Variants in SPIDR observed in about 807,000 individuals in gnomAD.
SPIDR encodes scaffold protein involved in DNA repair, also known as DNA repair-scaffolding protein.
In SPIDR, 93 loss-of-function variants were observed where a neutral mutation model predicts 104.6. That is an observed-to-expected ratio of 0.89 (90% CI 0.75 to 1.06). SPIDR has a LOEUF of 1.06. Ranked by LOEUF, SPIDR falls within the 50% of genes least tolerant of loss-of-function variation. SPIDR has a pLI of 0.00. For missense variants in SPIDR, 1,154 were observed against 1,111.2 expected (o/e 1.04, Z -0.55); for synonymous variants, 431 against 416.9 (o/e 1.03, Z -0.41).
At chr8:47,554,494 C>G (rs1247134560) in intron 8 of SPIDR, among the ~76,000 whole-genome samples, 1 of 152,248 alleles carries the variant, frequency 6.6e-6, no homozygotes, top group African/African-American at 2.4e-5. Context: ...GCAGTTCGAT[C>G]TCAGACTGCT....
At chr8:47,633,558 GAAAAAAA>G (rs113678854) in intron 10 of SPIDR, among the ~76,000 whole-genome samples, 1 of 134,322 alleles carries the variant, frequency 7.4e-6, no homozygotes, top group African/African-American at 2.8e-5. Flanking sequence ...GCAAATGATT[GAAAAAAA>G]AAAAAAAACA....
chr8:47,470,280 CGTTTTTGTTTTT>C (rs1355625480), intron 8 of SPIDR, among the ~76,000 whole-genome samples: 5 of 152,004 alleles, frequency 3.3e-5, no homozygotes, highest in African/African-American at 9.6e-5. Flanking sequence ...TTTTGTTTTT[CGTTTTTGTTTTT>C]GTTTTTTGTT....
At chr8:47,472,432 G>C (rs75791118) in intron 8 of SPIDR, among the ~76,000 whole-genome samples, 7,422 of 152,298 alleles carry the variant, frequency 0.049, 194 homozygotes, top group Middle Eastern at 0.068. Flanking sequence ...TTCCAGGAGA[G>C]TGTTCTGGGT....
intron 5 of SPIDR, among the ~76,000 whole-genome samples, chr8:47,394,550 G>A (rs2061023852): frequency 6.6e-6 from 1 of 152,222 alleles, no homozygotes; most frequent in Non-Finnish European, 1.5e-5. Context: ...TCATCTAGCG[G>A]GGAGAGGCGA....
chr8:47,407,795 A>T, intron 6 of SPIDR, 66 bp from the exon 7 acceptor site: 1 of 963,738 alleles, frequency 1.0e-6, no homozygotes, highest in African/African-American at 1.7e-5. Context: ...TATACAATAT[A>T]AATGTTCCAG....
chr8:47,415,630 A>G (rs149989409), intron 7 of SPIDR, among the ~76,000 whole-genome samples: 30 of 152,284 alleles, frequency 2.0e-4, no homozygotes, highest in African/African-American at 7.2e-4. Flanking sequence ...CCACTGTGTG[A>G]GGAGGATACA....
intron 9 of SPIDR, among the ~76,000 whole-genome samples, chr8:47,597,715 G>A (rs1284604615): frequency 6.6e-6 from 1 of 152,162 alleles, no homozygotes; most frequent in Non-Finnish European, 1.5e-5. Context: ...GCATAAGCTT[G>A]AGTTTATATG....
intron 10 of SPIDR, among the ~76,000 whole-genome samples, chr8:47,614,391 T>G (rs1414659610): frequency 6.6e-6 from 1 of 152,152 alleles, no homozygotes; most frequent in Non-Finnish European, 1.5e-5. Flanking sequence ...CTGGCTAATT[T>G]TTTTTGTATG....
intron 10 of SPIDR, among the ~76,000 whole-genome samples, chr8:47,661,627 G>A (rs1304806653): frequency 7.2e-5 from 11 of 152,240 alleles, no homozygotes; most frequent in East Asian, 1.9e-4. Flanking sequence ...ACTAAGGATC[G>A]TGCTGGTGTC....
intron 3 of SPIDR, 125 bp from the exon 4 acceptor site, chr8:47,290,908 A>G: frequency 3.4e-6 from 2 of 583,036 alleles, no homozygotes; most frequent in Admixed American, 3.2e-5. Context: ...TGACATAGAC[A>G]TTGCTTTTCC....
chr8:47,348,655 T>G (rs2052723323), intron 5 of SPIDR, among the ~76,000 whole-genome samples: 1 of 152,210 alleles, frequency 6.6e-6, no homozygotes, highest in Middle Eastern at 3.2e-3. Context: ...TGTTCGTTTC[T>G]TTTTACTCTT....
chr8:47,700,709 C>T (rs117844821), intron 12 of SPIDR, among the ~76,000 whole-genome samples: 5,037 of 152,324 alleles, frequency 0.033, 129 homozygotes, highest in Middle Eastern at 0.065. Flanking sequence ...CCCTACTGTG[C>T]TGCACAGCAT....
chr8:47,734,491 T>C (rs1369950976), intron 19 of SPIDR, among the ~76,000 whole-genome samples: 1 of 152,136 alleles, frequency 6.6e-6, no homozygotes, highest in African/African-American at 2.4e-5. Context: ...GGTGAGTTAA[T>C]AGACACCAAA....
chr8:47,576,971 T>TG (rs2059201693), intron 8 of SPIDR, among the ~76,000 whole-genome samples: 1 of 152,222 alleles, frequency 6.6e-6, no homozygotes, highest in African/African-American at 2.4e-5. Flanking sequence ...AGTTTTCACC[T>TG]GGAGAAAAAT....
At chr8:47,513,212 C>T (rs1305594846) in intron 8 of SPIDR, among the ~76,000 whole-genome samples, 1 of 152,210 alleles carries the variant, frequency 6.6e-6, no homozygotes, top group African/African-American at 2.4e-5. Flanking sequence ...AATGTTATTT[C>T]TGTACATTAC....
intron 1 of SPIDR, among the ~76,000 whole-genome samples, chr8:47,275,317 A>G (rs1362199696): frequency 2.0e-5 from 3 of 152,084 alleles, no homozygotes; most frequent in Non-Finnish European, 4.4e-5. Context: ...TAATCAGCAT[A>G]ACATAAGCAT....
chr8:47,453,486 C>T (rs932737512), intron 8 of SPIDR, among the ~76,000 whole-genome samples: 1 of 152,144 alleles, frequency 6.6e-6, no homozygotes, highest in Admixed American at 6.5e-5. Flanking sequence ...GCTACAGTAA[C>T]AAAAACACCA....
At chr8:47,593,940 T>C in intron 8 of SPIDR, among the ~76,000 whole-genome samples, 1 of 152,114 alleles carries the variant, frequency 6.6e-6, no homozygotes, top group Admixed American at 6.5e-5. Flanking sequence ...CCACACTTCC[T>C]CTGGCACCAC....
intron 19 of SPIDR, among the ~76,000 whole-genome samples, chr8:47,732,406 C>T (rs951782516): frequency 1.3e-5 from 2 of 152,176 alleles, no homozygotes; most frequent in Non-Finnish European, 2.9e-5. Context: ...TGGACACATG[C>T]GTACATGTGT....
Sources: allele counts gnomAD v4.1 joint callset (sites outside exome capture counted in the v4.1 genomes callset), GRCh38; gene constraint gnomAD v4.1.1; transcripts MANE v1.5; gene names NCBI Gene and HGNC (gene_info 2026-07-23, HGNC 2026-07-21).